Variants in MAGI2 observed in about 807,000 individuals in gnomAD.
The protein encoded by MAGI2 is membrane-associated guanylate kinase, WW and PDZ domain-containing protein 2.
In MAGI2, 35 loss-of-function variants were observed where a neutral mutation model predicts 133.3. The ratio of observed to expected loss-of-function variants is 0.26; its 90% CI spans 0.20 to 0.35. The LOEUF is 0.35. Ranked by LOEUF, MAGI2 falls within the 10% of genes least tolerant of loss-of-function variation. MAGI2 has a pLI of 1.00. For synonymous variants in MAGI2, 729 were observed against 710.6 expected, an observed-to-expected ratio of 1.03 and a Z score of -0.41; for missense variants, 1,636 against 1,863.4, an observed-to-expected ratio of 0.88 and a Z score of 2.25.
intron 2 of MAGI2, among the ~76,000 whole-genome samples, chr7:78,718,858 T>C (rs750024901): frequency 2.0e-5 from 3 of 152,132 alleles, no homozygotes; most frequent in Non-Finnish European, 4.4e-5. Flanking sequence ...CTGCTCTAGA[T>C]GATTCACTGG....
At chr7:78,621,530 G>A (rs1807736842) in intron 3 of MAGI2, among the ~76,000 whole-genome samples, 1 of 151,914 alleles carries the variant, frequency 6.6e-6, no homozygotes, top group African/African-American at 2.4e-5. Context: ...AGTCCCCCAG[G>A]CAATTCACAT....
chr7:79,304,700 G>T (rs541864586), intron 1 of MAGI2, among the ~76,000 whole-genome samples: 1 of 152,342 alleles, frequency 6.6e-6, no homozygotes, highest in East Asian at 1.9e-4. Flanking sequence ...AATGTCAAAT[G>T]AGGAAGATGT....
chr7:78,047,778 C>T (rs941550511), intron 21 of MAGI2, among the ~76,000 whole-genome samples: 3 of 152,228 alleles, frequency 2.0e-5, no homozygotes, highest in African/African-American at 7.2e-5. Context: ...TGCCTCCCAC[C>T]GTCTCTTGGG....
intron 21 of MAGI2, among the ~76,000 whole-genome samples, chr7:78,049,593 GT>G (rs139903974): frequency 0.016 from 2,388 of 152,044 alleles, 68 homozygotes; most frequent in African/African-American, 0.055. Flanking sequence ...GTCCTATGAT[GT>G]TTTTTTTAAG....
chr7:78,807,139 C>G (rs37883), intron 2 of MAGI2, among the ~76,000 whole-genome samples: 1 of 151,526 alleles, frequency 6.6e-6, no homozygotes, highest in African/African-American at 2.4e-5. Flanking sequence ...GTCAGCTATA[C>G]CAGCAGTTCT....
chr7:79,450,326 T>C (rs1849155076), intron 1 of MAGI2, among the ~76,000 whole-genome samples: 1 of 151,542 alleles, frequency 6.6e-6, no homozygotes. Context: ...GGCACTATAG[T>C]AAAGGTTCTG....
intron 2 of MAGI2, among the ~76,000 whole-genome samples, chr7:78,934,557 T>C (rs554348997): frequency 4.6e-5 from 7 of 152,174 alleles, no homozygotes; most frequent in Non-Finnish European, 8.8e-5. Flanking sequence ...ACTGTCCACA[T>C]AGGTGGCCGA....
intron 6 of MAGI2, among the ~76,000 whole-genome samples, chr7:78,441,852 A>G (rs373519997): frequency 1.1e-4 from 16 of 152,232 alleles, no homozygotes; most frequent in African/African-American, 3.1e-4. Context: ...ACTGTCTCTC[A>G]GTTTTAGCTT....
chr7:79,148,207 C>T (rs149204083), intron 1 of MAGI2, among the ~76,000 whole-genome samples: 33 of 152,192 alleles, frequency 2.2e-4, no homozygotes, highest in African/African-American at 7.0e-4. Context: ...TGGATTGGAG[C>T]GAGGTGGGAG....
chr7:78,517,721 A>C (rs1318704397), intron 4 of MAGI2, among the ~76,000 whole-genome samples: 1 of 152,164 alleles, frequency 6.6e-6, no homozygotes, highest in African/African-American at 2.4e-5. Context: ...TGTGTGACAG[A>C]GGGAGAAATA....
intron 3 of MAGI2, among the ~76,000 whole-genome samples, chr7:78,558,058 C>A (rs1480970851): frequency 6.6e-6 from 1 of 151,900 alleles, no homozygotes; most frequent in Non-Finnish European, 1.5e-5. Context: ...GTTCTATTCT[C>A]ATTTGATTTT....
intron 6 of MAGI2, among the ~76,000 whole-genome samples, chr7:78,458,294 C>CAAAAA (rs11380893): frequency 5.3e-5 from 6 of 113,098 alleles, no homozygotes; most frequent in African/African-American, 7.2e-5. Flanking sequence ...AACTCGGTCT[C>CAAAAA]AAAAAAAAAA....
intron 1 of MAGI2, among the ~76,000 whole-genome samples, chr7:79,380,484 T>C (rs1442047583): frequency 2.0e-5 from 3 of 151,806 alleles, no homozygotes; most frequent in South Asian, 2.1e-4. Flanking sequence ...TCTTGCCCAT[T>C]AGTTCTTGAA....
At chr7:78,878,154 A>G (rs1306872856) in intron 2 of MAGI2, among the ~76,000 whole-genome samples, 3 of 152,204 alleles carry the variant, frequency 2.0e-5, no homozygotes, top group Non-Finnish European at 4.4e-5. Context: ...TCTGTTACAG[A>G]TAAGTAATCA....
chr7:78,850,453 T>C (rs1293716322), intron 2 of MAGI2, among the ~76,000 whole-genome samples: 1 of 152,152 alleles, frequency 6.6e-6, no homozygotes, highest in East Asian at 1.9e-4. Flanking sequence ...AGTATTAAAC[T>C]GGTTTGCTCC....
intron 1 of MAGI2, among the ~76,000 whole-genome samples, chr7:79,370,776 G>A (rs893514161): frequency 6.6e-6 from 1 of 151,846 alleles, no homozygotes; most frequent in African/African-American, 2.4e-5. Flanking sequence ...CAATCTTCAC[G>A]CTATTGCCTC....
At chr7:79,027,002 C>T (rs1339093132) in intron 1 of MAGI2, among the ~76,000 whole-genome samples, 1 of 151,964 alleles carries the variant, frequency 6.6e-6, no homozygotes, top group Admixed American at 6.6e-5. Context: ...AAAATTAAAA[C>T]CACAATGAAG....
At chr7:78,959,728 A>G (rs1802689435) in intron 2 of MAGI2, among the ~76,000 whole-genome samples, 2 of 152,080 alleles carry the variant, frequency 1.3e-5, no homozygotes, top group African/African-American at 2.4e-5. Context: ...TGACTTTTCG[A>G]GCCTGGATTA....
intron 12 of MAGI2, among the ~76,000 whole-genome samples, chr7:78,188,641 T>A (rs1396107122): frequency 6.6e-6 from 1 of 152,170 alleles, no homozygotes; most frequent in East Asian, 1.9e-4. Flanking sequence ...GGGGGTACTT[T>A]AATGCCATCG....
Sources: allele counts gnomAD v4.1 joint callset (sites outside exome capture counted in the v4.1 genomes callset), GRCh38; gene constraint gnomAD v4.1.1; transcripts MANE v1.5; gene names NCBI Gene and HGNC (gene_info 2026-07-23, HGNC 2026-07-21).